Variants in DMD observed in about 807,000 individuals in gnomAD.
DMD encodes the protein dystrophin, also known as mutant dystrophin.
Under a neutral mutation model 330.1 loss-of-function variants are expected in DMD, and 63 were observed. The observed-to-expected ratio is 0.19, with a 90% CI of 0.16 to 0.24. DMD has a LOEUF of 0.24. Among genes scored for constraint, DMD ranks in the 10% least tolerant of loss-of-function variants. The pLI, the probability that DMD is intolerant of heterozygous loss-of-function variation, is 1.00. For synonymous variants in DMD, 1,223 were observed against 959.8 expected, an observed-to-expected ratio of 1.27 and a Z score of -5.07; for missense variants, 3,344 against 2,684.1, an observed-to-expected ratio of 1.25 and a Z score of -5.43.
At chrX:32,955,872 T>C (rs2091553360) in intron 2 of DMD, among the ~76,000 whole-genome samples, 1 of 111,819 alleles carries the variant, frequency 8.9e-6, no homozygotes, top group Admixed American at 9.5e-5. Context: ...TATTTCTTGG[T>C]TCTCTGTTTT....
intron 7 of DMD, among the ~76,000 whole-genome samples, chrX:32,744,073 C>T (rs1462133664): frequency 1.8e-5 from 2 of 111,240 alleles, no homozygotes; most frequent in African/African-American, 6.5e-5. Context: ...ACATATTCAT[C>T]TTTAAACCCT....
chrX:31,510,940 A>C (rs1451880807), intron 55 of DMD, among the ~76,000 whole-genome samples: 1 of 111,828 alleles, frequency 8.9e-6, no homozygotes, highest in Non-Finnish European at 1.9e-5. Context: ...GCCATCAGTA[A>C]TTCATCTCTT....
intron 1 of DMD, among the ~76,000 whole-genome samples, chrX:33,316,004 A>G (rs1210116550): frequency 1.8e-5 from 2 of 110,959 alleles, no homozygotes. Flanking sequence ...TTTGCAATAT[A>G]CCTCTTGAAA....
At chrX:32,622,002 T>C (rs895019459) in intron 11 of DMD, among the ~76,000 whole-genome samples, 2 of 111,785 alleles carry the variant, frequency 1.8e-5, no homozygotes, top group African/African-American at 6.5e-5. Context: ...TGAAAATTAC[T>C]GCTCTAGGTA....
At chrX:32,473,139 C>T (rs1362920893) in intron 21 of DMD, among the ~76,000 whole-genome samples, 1 of 111,047 alleles carries the variant, frequency 9.0e-6, no homozygotes, top group East Asian at 2.8e-4. Context: ...GAGAACGCTG[C>T]AGAGAACTGT....
chrX:32,496,873 G>A (rs2043542340), intron 19 of DMD, among the ~76,000 whole-genome samples: 1 of 112,541 alleles, frequency 8.9e-6, no homozygotes, highest in Admixed American at 9.4e-5. Flanking sequence ...ACTGAGGAAG[G>A]AATAAGAGAA....
intron 67 of DMD, among the ~76,000 whole-genome samples, chrX:31,189,423 C>T (rs770300252): frequency 9.0e-6 from 1 of 111,460 alleles, no homozygotes; most frequent in East Asian, 2.8e-4. Flanking sequence ...CGCATATCCG[C>T]AGGTTTCACA....
chrX:32,762,830 G>C (rs964089454), intron 7 of DMD, among the ~76,000 whole-genome samples: 2 of 111,087 alleles, frequency 1.8e-5, no homozygotes, highest in African/African-American at 6.5e-5. Context: ...GTTAAATAGG[G>C]AACACATGAC....
At chrX:31,917,903 G>T (rs2094630601) in intron 47 of DMD, among the ~76,000 whole-genome samples, 1 of 111,672 alleles carries the variant, frequency 9.0e-6, no homozygotes, top group African/African-American at 3.3e-5. Flanking sequence ...TTCCCCTAAC[G>T]TGCACAGTTT....
At chrX:32,534,205 T>C (rs1193325890) in intron 17 of DMD, among the ~76,000 whole-genome samples, 1 of 112,052 alleles carries the variant, frequency 8.9e-6, no homozygotes, top group Non-Finnish European at 1.9e-5. Flanking sequence ...GCAGGATCAG[T>C]TCCTGGTGAC....
At chrX:33,112,950 C>T (rs1390762717) in intron 1 of DMD, among the ~76,000 whole-genome samples, 2 of 105,893 alleles carry the variant, frequency 1.9e-5, no homozygotes, top group Admixed American at 2.1e-4. Flanking sequence ...GACTCCATCT[C>T]AAAAAAATAA....
rs138977786 is a variant in DMD, at chrX:32,837,327, C to T, written c.264+7456G>A. ...CTTCTGGTTAGACTAAACTAAGGAGCGGCACTGGCAAAACACTGGAGGATT... is the reference window on the plus strand; with the variant it reads ...CTTCTGGTTAGACTAAACTAAGGAGTGGCACTGGCAAAACACTGGAGGATT... On this transcript the variant is annotated intron_variant, in intron 4 of 78. Coordinates refer to ENST00000357033, the MANE Select transcript of DMD (RefSeq NM_004006.3). Among the ~76,000 whole-genome samples, 347 of 111,679 alleles carry T rather than the reference C, an allele frequency of 3.1e-3. 8 individuals are homozygous for T. In the South Asian group the frequency reaches 0.059, roughly 19 times the overall value.
At chrX:32,128,358 A>G (rs918484400) in intron 44 of DMD, among the ~76,000 whole-genome samples, 2 of 111,901 alleles carry the variant, frequency 1.8e-5, no homozygotes, top group Middle Eastern at 4.6e-3. Context: ...CAAAATTTAT[A>G]TTTTCCTTTA....
intron 55 of DMD, among the ~76,000 whole-genome samples, chrX:31,590,931 G>A (rs939689308): frequency 1.8e-5 from 2 of 111,349 alleles, no homozygotes; most frequent in East Asian, 2.8e-4. Flanking sequence ...GTGAAGGGCC[G>A]GAAGTTCTTT....
rs183662742 is a variant in DMD at position 32,532,038 on chromosome X, A to T, written c.2168+13121T>A. Among the ~76,000 whole-genome samples, 393 of 111,302 alleles carry T rather than the reference A, an allele frequency of 3.5e-3. 2 individuals are homozygous for T. Among genetic ancestry groups the T allele is most frequent in the African/African-American group, 0.011 (329 of 30,703 alleles). On this transcript the variant is annotated intron_variant, in intron 17 of 78. Coordinates refer to ENST00000357033, the MANE Select transcript of DMD (RefSeq NM_004006.3). ...CTCAACTTTCTAATCTGATGATACAATTTCTCACATCAGAGAAAATATTAA... is the reference window on the plus strand; with the variant it reads ...CTCAACTTTCTAATCTGATGATACATTTTCTCACATCAGAGAAAATATTAA...
chrX:33,294,928 A>C (rs771728660), intron 1 of DMD, among the ~76,000 whole-genome samples: 1 of 111,442 alleles, frequency 9.0e-6, no homozygotes, highest in African/African-American at 3.2e-5. Flanking sequence ...TATTCACTGT[A>C]GAAACATACA....
chrX:31,128,244 C>G (rs2033999414), intron 77 of DMD, among the ~76,000 whole-genome samples: 1 of 111,982 alleles, frequency 8.9e-6, no homozygotes, highest in African/African-American at 3.2e-5. Context: ...CTATAAGCCT[C>G]TTGAGGACGG....
chrX:31,461,833 C>T (rs2066546755), intron 59 of DMD, among the ~76,000 whole-genome samples: 1 of 111,537 alleles, frequency 9.0e-6, no homozygotes, highest in East Asian at 2.8e-4. Flanking sequence ...CTTTACCTAA[C>T]CTGGGCATCC....
At chrX:32,433,184 G>A (rs916024475) in intron 29 of DMD, among the ~76,000 whole-genome samples, 9 of 111,798 alleles carry the variant, frequency 8.1e-5, no homozygotes, top group Non-Finnish European at 1.7e-4. Flanking sequence ...TTAAAAACGG[G>A]GAAACTCGTT....
Sources: allele counts gnomAD v4.1 joint callset (sites outside exome capture counted in the v4.1 genomes callset), GRCh38; gene constraint gnomAD v4.1.1; transcripts MANE v1.5; gene names NCBI Gene and HGNC (gene_info 2026-07-23, HGNC 2026-07-21).